MIB1: variants seen among roughly 807,000 people sequenced by gnomAD.
The protein encoded by MIB1 is MIB E3 ubiquitin protein ligase 1.
In MIB1, 278 loss-of-function variants were observed where a neutral mutation model predicts 124.5. The observed-to-expected ratio is 2.23, with a 90% CI of 2.02 to 2.47. The LOEUF is 2.47. Ranked by LOEUF, MIB1 falls within the 30% of genes most tolerant of loss-of-function variation. The pLI is 0.00. For missense variants in MIB1, 957 were observed against 1,254.4 expected (o/e 0.76, Z 3.58); for synonymous variants, 446 against 429.4 (o/e 1.04, Z -0.48).
chr18:21,811,306 T>C (rs542198046), intron 10 of MIB1, among the ~76,000 whole-genome samples: 6 of 152,284 alleles, frequency 3.9e-5, no homozygotes, highest in African/African-American at 1.2e-4. Context: ...GAAAAGAATA[T>C]GACAGTTGCA....
chr18:21,843,691 G>C (rs1338096505), intron 14 of MIB1, among the ~76,000 whole-genome samples: 5 of 152,146 alleles, frequency 3.3e-5, no homozygotes, highest in African/African-American at 1.2e-4. Context: ...AATAATAACA[G>C]TTCCTTGTTT....
chr18:21,811,803 G>GT (rs1451522919), intron 10 of MIB1, among the ~76,000 whole-genome samples: 13 of 152,044 alleles, frequency 8.6e-5, no homozygotes, highest in Non-Finnish European at 1.8e-4. Context: ...ATGGATGGTG[G>GT]TGATGGTTGC....
At chr18:21,845,049 C>T (rs879468754) in intron 15 of MIB1, among the ~76,000 whole-genome samples, 3 of 151,252 alleles carry the variant, frequency 2.0e-5, no homozygotes, top group African/African-American at 4.9e-5. Flanking sequence ...CTCGCTCTGT[C>T]GCCCAGGCTG....
At chr18:21,810,150 A>G (rs2041754594) in intron 10 of MIB1, among the ~76,000 whole-genome samples, 1 of 152,136 alleles carries the variant, frequency 6.6e-6, no homozygotes, top group Admixed American at 6.5e-5. Context: ...TCCATTTACA[A>G]TAGCATAAGA....
intron 1 of MIB1, among the ~76,000 whole-genome samples, chr18:21,752,130 G>A (rs147380650): frequency 2.4e-4 from 37 of 152,306 alleles, no homozygotes; most frequent in African/African-American, 8.7e-4. Context: ...CCTCCAGCTT[G>A]AGCTGGTCAG....
In MIB1 at chr18:21,803,562, T is replaced by G. The variant is rs2041672498; in HGVS notation, c.1372-345T>G. ...AAGTTTTCTTTTCACTTCAGTGCTT[T>G]TTTTCATTGAACCATGGACTCAGAG... On this transcript the variant is annotated intron_variant, in intron 9 of 20. Transcript: ENST00000261537. 2.6e-5 allele frequency among the ~76,000 whole-genome samples: 4 copies of G among 152,206 alleles called. No individual in the cohort carries two copies. In the South Asian group the frequency reaches 8.3e-4, roughly 31 times the overall value.
intron 9 of MIB1, among the ~76,000 whole-genome samples, chr18:21,800,246 G>A (rs1464542048): frequency 1.3e-5 from 2 of 151,608 alleles, no homozygotes; most frequent in Non-Finnish European, 2.9e-5. Flanking sequence ...GAAATTCAGC[G>A]ATTTTTTTTT....
At chr18:21,844,901 CTGTT>C (rs1248149330) in intron 15 of MIB1, among the ~76,000 whole-genome samples, 1 of 152,078 alleles carries the variant, frequency 6.6e-6, no homozygotes, top group African/African-American at 2.4e-5. Context: ...TTTTGTTAGG[CTGTT>C]TGTTTTCTTA....
At chr18:21,773,479 A>T in intron 3 of MIB1, 145 bp from the exon 4 acceptor site, 1 of 596,496 alleles carries the variant, frequency 1.7e-6, no homozygotes, top group Non-Finnish European at 2.9e-6. Flanking sequence ...TAGCAGTGAC[A>T]TATTTGGCAA....
At chr18:21,823,356 G>A (rs2041896339) in intron 12 of MIB1, among the ~76,000 whole-genome samples, 1 of 149,924 alleles carries the variant, frequency 6.7e-6, no homozygotes, top group Non-Finnish European at 1.5e-5. Context: ...AGGTATGATC[G>A]TGCCACTGCA....
chr18:21,791,125 T>G (rs1476614062), intron 6 of MIB1, among the ~76,000 whole-genome samples: 6 of 150,454 alleles, frequency 4.0e-5, no homozygotes, highest in African/African-American at 1.5e-4. Flanking sequence ...AATCATGCAG[T>G]GAGCCGAGAT....
intron 1 of MIB1, among the ~76,000 whole-genome samples, chr18:21,742,469 G>T: frequency 6.6e-6 from 1 of 152,036 alleles, no homozygotes; most frequent in East Asian, 1.9e-4. Flanking sequence ...GTGGCAGATC[G>T]GCGTGGGGGA....
intron 6 of MIB1, among the ~76,000 whole-genome samples, chr18:21,791,139 G>A (rs1453256056): frequency 6.6e-6 from 1 of 151,278 alleles, no homozygotes; most frequent in Admixed American, 6.6e-5. Context: ...CCGAGATCAT[G>A]CCACTGCACT....
chr18:21,778,794 T>C (rs2041323087), intron 5 of MIB1, among the ~76,000 whole-genome samples: 1 of 151,654 alleles, frequency 6.6e-6, no homozygotes, highest in Non-Finnish European at 1.5e-5. Context: ...TATACCTTAA[T>C]TTTTTTTTAA....
At position 21,708,211 on chromosome 18, in the gene MIB1, TA is replaced by T. The variant is rs374214458; in HGVS notation, n.167+3094del. Among the ~76,000 whole-genome samples the T allele has an allele frequency of 3.4e-3, 517 of 152,062 alleles. 2 individuals carry two copies. The highest frequency in any genetic ancestry group is 0.012 in the African/African-American group (505 of 41,476). On this transcript the variant is annotated intron_variant and non_coding_transcript_variant, in intron 1 of 20. Coordinates refer to the MIB1 transcript ENST00000578646. Reference sequence around the variant, plus strand: ...TGTAGAAAATGTACTGACCTAGGAGTAAAAAACAGCTCTGAACTTATCCACC... The same window carrying T: ...TGTAGAAAATGTACTGACCTAGGAGTAAAAACAGCTCTGAACTTATCCACC...
At chr18:21,863,365 C>T (rs549971959) in intron 20 of MIB1, among the ~76,000 whole-genome samples, 8 of 152,294 alleles carry the variant, frequency 5.3e-5, no homozygotes, top group African/African-American at 9.6e-5. Flanking sequence ...CGGTGTGTCC[C>T]GAGCTCTTGT....
At chr18:21,839,611 C>T (rs2042063739) in intron 13 of MIB1, among the ~76,000 whole-genome samples, 1 of 152,130 alleles carries the variant, frequency 6.6e-6, no homozygotes, top group Non-Finnish European at 1.5e-5. Flanking sequence ...CTCAAGCAGT[C>T]CTCCTGCCTC....
At chr18:21,732,326 TA>T (rs1217262596) in intron 1 of MIB1, among the ~76,000 whole-genome samples, 1 of 146,886 alleles carries the variant, frequency 6.8e-6, no homozygotes, top group Non-Finnish European at 1.5e-5. Flanking sequence ...AGCCTCCATC[TA>T]AAAAAATATA....
chr18:21,837,497 G>A (rs2146498883), intron 12 of MIB1, among the ~76,000 whole-genome samples: 1 of 152,352 alleles, frequency 6.6e-6, no homozygotes, highest in South Asian at 2.1e-4. Flanking sequence ...GACAGAGCGA[G>A]ACTCCGTCTC....
Sources: gnomAD v4.1 joint callset for allele counts (sites outside exome capture counted in the v4.1 genomes callset) on GRCh38, gnomAD v4.1.1 for gene constraint, MANE v1.5 for transcripts, NCBI Gene and HGNC (gene_info 2026-07-23, HGNC 2026-07-21) for gene names.